Variants in CBLB observed in about 807,000 individuals in gnomAD.
CBLB encodes E3 ubiquitin-protein ligase CBL-B.
CBLB carries 31 observed loss-of-function variants against 104.9 expected under a neutral mutation model. That is an observed-to-expected ratio of 0.30 (90% confidence interval 0.22 to 0.40). The LOEUF (loss-of-function observed/expected upper bound fraction) is 0.40. Ranked by LOEUF, CBLB falls within the 10% of genes least tolerant of loss-of-function variation. The probability of loss-of-function intolerance (pLI) is 1.00; values close to 1 mark genes in which losing one functional copy is unlikely to be tolerated. For missense variants in CBLB, 1,062 were observed against 1,214.6 expected, an observed-to-expected ratio of 0.87 and a Z score of 1.87; for synonymous variants, 440 against 422.6, an observed-to-expected ratio of 1.04 and a Z score of -0.51.
At chr3:105,825,810 CATG>C (rs2086482195) in intron 3 of CBLB, among the ~76,000 whole-genome samples, 1 of 152,142 alleles carries the variant, frequency 6.6e-6, no homozygotes, top group African/African-American at 2.4e-5. Context: ...TACAAAATAG[CATG>C]ATATCACTAT....
chr3:105,738,246 C>A (rs2075163174), intron 7 of CBLB, among the ~76,000 whole-genome samples: 2 of 152,014 alleles, frequency 1.3e-5, no homozygotes, highest in African/African-American at 4.8e-5. Context: ...AAATATTTAT[C>A]CTCGAATGAG....
At chr3:105,783,898 AAG>A (rs1213168329) in intron 3 of CBLB, among the ~76,000 whole-genome samples, 1 of 152,246 alleles carries the variant, frequency 6.6e-6, no homozygotes, top group South Asian at 2.1e-4. Context: ...AGTATGCATG[AAG>A]AGAAGGACTA....
At chr3:105,829,415 T>C (rs546908538) in intron 3 of CBLB, among the ~76,000 whole-genome samples, 1 of 152,096 alleles carries the variant, frequency 6.6e-6, no homozygotes, top group East Asian at 1.9e-4. Flanking sequence ...TCTTGACGCT[T>C]TGGGAGGCCA....
At chr3:105,748,451 T>C (rs533297528) in intron 5 of CBLB, among the ~76,000 whole-genome samples, 98 of 152,318 alleles carry the variant, frequency 6.4e-4, no homozygotes, top group African/African-American at 2.2e-3. Context: ...GTCCTTATCC[T>C]GCTACCCCCA....
At chr3:105,858,129 G>A (rs143134040) in intron 2 of CBLB, among the ~76,000 whole-genome samples, 59 of 152,252 alleles carry the variant, frequency 3.9e-4, no homozygotes, top group Non-Finnish European at 7.5e-4. Context: ...AGTTCATCAA[G>A]GCCCTGTAGG....
At chr3:105,721,548 C>T (rs1020772107) in intron 9 of CBLB, among the ~76,000 whole-genome samples, 1 of 152,118 alleles carries the variant, frequency 6.6e-6, no homozygotes, top group Non-Finnish European at 1.5e-5. Flanking sequence ...TCTTATTCAT[C>T]TGCTTGTACA....
chr3:105,710,092 A>C (rs1374222143), intron 10 of CBLB, among the ~76,000 whole-genome samples: 1 of 151,878 alleles, frequency 6.6e-6, no homozygotes, highest in African/African-American at 2.4e-5. Context: ...TGTTGATTTG[A>C]AAGTGCTCTT....
chr3:105,729,942 G>A (rs960647748), intron 9 of CBLB, among the ~76,000 whole-genome samples: 4 of 152,068 alleles, frequency 2.6e-5, no homozygotes, highest in African/African-American at 9.7e-5. Flanking sequence ...GAAGCACTAC[G>A]TGAAGACTGT....
At chr3:105,709,950 T>A (rs904843117) in intron 10 of CBLB, among the ~76,000 whole-genome samples, 1 of 151,978 alleles carries the variant, frequency 6.6e-6, no homozygotes, top group Non-Finnish European at 1.5e-5. Context: ...GCCATACCAA[T>A]GTTTAAATTT....
intron 10 of CBLB, among the ~76,000 whole-genome samples, chr3:105,716,443 A>G (rs1246927273): frequency 1.3e-5 from 2 of 152,238 alleles, no homozygotes; most frequent in Non-Finnish European, 2.9e-5. Flanking sequence ...AGTCCTTTAA[A>G]TAACAATTTA....
Position 105,704,003 on chromosome 3 carries a change from T to G in CBLB, c.1578A>C (p.Pro526=). 1 of 1,614,096 alleles carries G rather than the reference T, an allele frequency of 6.2e-7. No homozygotes were observed. Among genetic ancestry groups the G allele is most frequent in the Non-Finnish European group, 8.5e-7 (1 of 1,179,932 alleles). ...ATTGATCTACCTTTGGTGAACCCGT[T>G]GGGCTGCCACAGGGAGATCTAACTA... ...KGIVRSPCGS[P]TGSPKSSPCM... is the part of the protein sequence containing the mutation. Residue 526 remains proline, a synonymous_variant, in exon 11 of 19, where the codon CCA becomes CCC. Coordinates refer to ENST00000394030, the MANE Select transcript of CBLB (RefSeq NM_170662.5).
chr3:105,739,401 CGA>C (rs1384300778), intron 7 of CBLB, among the ~76,000 whole-genome samples: 18 of 152,206 alleles, frequency 1.2e-4, no homozygotes, highest in Middle Eastern at 3.4e-3. Flanking sequence ...AGTTTGATCA[CGA>C]GCATCTCTAA....
chr3:105,811,977 A>G (rs2084371852), intron 3 of CBLB, among the ~76,000 whole-genome samples: 1 of 152,102 alleles, frequency 6.6e-6, no homozygotes, highest in African/African-American at 2.4e-5. Flanking sequence ...TGCTAGGATT[A>G]CAGGCATGAG....
rs2064938254 is a variant in CBLB at position 105,670,340 on chromosome 3, T to A, written c.2582A>T (p.Asp861Val). The change falls in exon 18 of 19, where the codon GAT becomes GTT. Residue 861 changes from aspartate to valine, a missense_variant. By Grantham distance (152) the Asp-to-Val change is radical (BLOSUM62 -3). Coordinates refer to ENST00000394030, the MANE Select transcript of CBLB (RefSeq NM_170662.5). ...LFLLPSDPFV[D>V]LASGQVPLPP... is the part of the protein sequence containing the mutation. ...CAAAGGAACTTGGCCACTTGCTAGATCAACAAAGGGATCTTAAAAATAAAA... is the reference window on the plus strand; with the variant it reads ...CAAAGGAACTTGGCCACTTGCTAGAACAACAAAGGGATCTTAAAAATAAAA... The A allele has an allele frequency of 6.2e-7, 1 of 1,611,106 alleles. No homozygotes were observed. The highest frequency in any genetic ancestry group is 8.5e-7 in the Non-Finnish European group (1 of 1,177,732).
chr3:105,866,650 G>A (rs980450443), intron 2 of CBLB, among the ~76,000 whole-genome samples: 1 of 152,182 alleles, frequency 6.6e-6, no homozygotes, highest in Non-Finnish European at 1.5e-5. Flanking sequence ...TACAGTTTCT[G>A]AGTAAATCTC....
chr3:105,746,089 T>C, intron 5 of CBLB, 51 bp from the exon 6 acceptor site: 1 of 1,236,344 alleles, frequency 8.1e-7, no homozygotes, highest in Admixed American at 1.7e-5. Context: ...ATATCAAATA[T>C]TTTGATTACA....
At chr3:105,818,698 C>T (rs940178187) in intron 3 of CBLB, among the ~76,000 whole-genome samples, 6 of 151,898 alleles carry the variant, frequency 4.0e-5, no homozygotes, top group Non-Finnish European at 7.4e-5. Context: ...CAAGAGAAAC[C>T]GCAAAAATTC....
intron 3 of CBLB, among the ~76,000 whole-genome samples, chr3:105,816,440 C>T (rs1444470345): frequency 6.6e-6 from 1 of 152,136 alleles, no homozygotes; most frequent in Non-Finnish European, 1.5e-5. Context: ...TCTTCAAAAG[C>T]TTGATTTTTG....
upstream of CBLB, chr3:105,869,194 A>G (rs1706748564): frequency 1.6e-6 from 1 of 618,638 alleles, no homozygotes; most frequent in Non-Finnish European, 2.8e-6. Context: ...ACAGTACACA[A>G]TGGCCCCAGA....
Sources: allele counts gnomAD v4.1 joint callset (sites outside exome capture counted in the v4.1 genomes callset), GRCh38; gene constraint gnomAD v4.1.1; transcripts MANE v1.5; gene names NCBI Gene and HGNC (gene_info 2026-07-23, HGNC 2026-07-21).